SLC10A7: variants seen among roughly 807,000 people sequenced by gnomAD.
SLC10A7 encodes the protein sodium/bile acid cotransporter 7.
SLC10A7 carries 29 observed loss-of-function variants against 43.2 expected under a neutral mutation model. That is an observed-to-expected ratio of 0.67 (90% CI 0.50 to 0.92). SLC10A7 has a LOEUF of 0.92. Among genes scored for constraint, SLC10A7 ranks in the 40% least tolerant of loss-of-function variants. The probability of loss-of-function intolerance (pLI) is 0.00; values close to 1 mark genes in which losing one functional copy is unlikely to be tolerated. For synonymous variants in SLC10A7, 152 were observed against 144.8 expected (o/e 1.05, Z -0.35); for missense variants, 295 against 403.2 (o/e 0.73, Z 2.30).
At chr4:146,442,928 T>C (rs1730722952) in intron 4 of SLC10A7, 107 bp from the exon 5 acceptor site, 6 of 828,198 alleles carry the variant, frequency 7.2e-6, no homozygotes, top group African/African-American at 1.8e-5. Flanking sequence ...CCTTAAAACA[T>C]TGACTCTATA....
rs146539337 is a variant in SLC10A7 at position 146,304,020 on chromosome 4, C to T, written c.555+1906G>A. 6.7e-4 allele frequency among the ~76,000 whole-genome samples: 101 copies of T among 150,784 alleles called. No individual in the cohort carries two copies. The East Asian group carries it at 0.018, about 27-fold the overall frequency. On this transcript the variant is annotated intron_variant, in intron 7 of 11. Coordinates refer to ENST00000335472, the MANE Select transcript of SLC10A7 (RefSeq NM_001029998.6). Reference sequence around the variant, plus strand: ...CTAAGACTTGTTCACTTTAGTTGTGCATTAAATTCTATACTCCAATACTGT... The same window carrying T: ...CTAAGACTTGTTCACTTTAGTTGTGTATTAAATTCTATACTCCAATACTGT...
chr4:146,464,075 T>G (rs1257572528), intron 4 of SLC10A7, among the ~76,000 whole-genome samples: 2 of 151,996 alleles, frequency 1.3e-5, no homozygotes, highest in African/African-American at 4.8e-5. Context: ...TCCTTCCGCC[T>G]TGGCCTCCCA....
chr4:146,509,356 G>A (rs978337257), intron 3 of SLC10A7, among the ~76,000 whole-genome samples: 4 of 152,158 alleles, frequency 2.6e-5, no homozygotes, highest in African/African-American at 4.8e-5. Flanking sequence ...AGCAGTAAAA[G>A]TACGATTATC....
intron 4 of SLC10A7, among the ~76,000 whole-genome samples, chr4:146,488,531 C>T (rs1472921731): frequency 6.6e-6 from 1 of 152,144 alleles, no homozygotes; most frequent in Non-Finnish European, 1.5e-5. Flanking sequence ...CATTCAGCTA[C>T]TAAGATTTCT....
intron 5 of SLC10A7, among the ~76,000 whole-genome samples, chr4:146,426,786 A>C (rs1365974873): frequency 2.6e-5 from 4 of 150,974 alleles, no homozygotes; most frequent in African/African-American, 9.7e-5. Flanking sequence ...GAGGCAGGAG[A>C]ATCGCTTCAA....
intron 5 of SLC10A7, among the ~76,000 whole-genome samples, chr4:146,436,927 T>C (rs1579184113): frequency 1.3e-5 from 2 of 152,118 alleles, no homozygotes; most frequent in African/African-American, 4.8e-5. Flanking sequence ...TAAATTTAAA[T>C]TGAAAATGTG....
chr4:146,369,894 C>A (rs761174854), intron 5 of SLC10A7, among the ~76,000 whole-genome samples: 4 of 152,088 alleles, frequency 2.6e-5, no homozygotes, highest in Non-Finnish European at 5.9e-5. Flanking sequence ...TCAGCAGTAT[C>A]ACATCTGAAA....
intron 5 of SLC10A7, among the ~76,000 whole-genome samples, chr4:146,335,250 G>GAAAAAA (rs772547279): frequency 0.014 from 967 of 70,494 alleles, 32 homozygotes; most frequent in South Asian, 0.071. Flanking sequence ...CACAGATGTT[G>GAAAAAA]TAAAAAAAAA....
chr4:146,312,666 T>G (rs1732061513), intron 6 of SLC10A7, among the ~76,000 whole-genome samples: 3 of 152,120 alleles, frequency 2.0e-5, no homozygotes, highest in Admixed American at 2.0e-4. Context: ...ATAAGTGAGA[T>G]TATGCAGTAA....
chr4:146,445,240 T>G (rs1730941352), intron 4 of SLC10A7, among the ~76,000 whole-genome samples: 1 of 152,166 alleles, frequency 6.6e-6, no homozygotes, highest in Admixed American at 6.5e-5. Flanking sequence ...ATAACACAGC[T>G]TGGTCATCAT....
At chr4:146,494,640 G>A (rs190288370) in intron 4 of SLC10A7, among the ~76,000 whole-genome samples, 20 of 152,278 alleles carry the variant, frequency 1.3e-4, no homozygotes, top group Non-Finnish European at 2.8e-4. Flanking sequence ...GGAATTTGGA[G>A]ATGAGTGGCC....
chr4:146,436,318 A>T (rs1358480807), intron 5 of SLC10A7, among the ~76,000 whole-genome samples: 1 of 152,164 alleles, frequency 6.6e-6, no homozygotes, highest in African/African-American at 2.4e-5. Context: ...ACTTCAGATA[A>T]GAGTTTGTTT....
intron 4 of SLC10A7, among the ~76,000 whole-genome samples, chr4:146,467,337 T>C (rs1733117587): frequency 6.6e-6 from 1 of 152,052 alleles, no homozygotes; most frequent in Non-Finnish European, 1.5e-5. Flanking sequence ...CAACTTTTGC[T>C]GCTATGCTTT....
Position 146,374,647 on chromosome 4 carries a change from CACACACACACACACAT to C in SLC10A7, c.436-48667_436-48652del, listed in dbSNP as rs1247665891. Among the ~76,000 whole-genome samples the C allele has an allele frequency of 3.5e-4, 51 of 144,054 alleles. 1 individual carries two copies. The highest frequency in any genetic ancestry group is 1.6e-4 in the African/African-American group (6 of 37,698). The allele number at this position is 144,054 out of a possible 152,430, so 94.5% of individuals were successfully genotyped here. A position where few individuals can be genotyped will look rare whatever the true frequency, so the allele number is the denominator to read the frequency against. ...ACACACACACACACACACACACACACACACACACACACACATATATATATATTTTCTGGATGTGACC... is the reference window on the plus strand; with the variant it reads ...ACACACACACACACACACACACACACATATATATATTTTCTGGATGTGACC... On this transcript the variant is annotated intron_variant, in intron 5 of 11. Transcript: ENST00000335472.
At chr4:146,366,016 G>T (rs1370802182) in intron 5 of SLC10A7, among the ~76,000 whole-genome samples, 1 of 152,186 alleles carries the variant, frequency 6.6e-6, no homozygotes, top group Non-Finnish European at 1.5e-5. Context: ...GATCTAGGTT[G>T]TGTGCTCCTT....
intron 10 of SLC10A7, among the ~76,000 whole-genome samples, chr4:146,272,461 A>G (rs1442022034): frequency 6.6e-6 from 1 of 152,114 alleles, no homozygotes; most frequent in African/African-American, 2.4e-5. Flanking sequence ...GGGGCTGTAA[A>G]TGGGGACATA....
At chr4:146,307,303 G>A (rs1731649160) in intron 6 of SLC10A7, among the ~76,000 whole-genome samples, 1 of 152,092 alleles carries the variant, frequency 6.6e-6, no homozygotes, top group African/African-American at 2.4e-5. Flanking sequence ...CATAAAAATT[G>A]GTGGTCTCTA....
intron 5 of SLC10A7, among the ~76,000 whole-genome samples, chr4:146,422,875 C>A (rs1333574816): frequency 6.6e-6 from 1 of 151,990 alleles, no homozygotes; most frequent in Non-Finnish European, 1.5e-5. Context: ...TCCCAACCGC[C>A]CATATTTTAG....
rs569819212 is a variant in SLC10A7 at position 146,469,802 on chromosome 4, A to G, written c.397-26981T>C. ...TGCCACCATACCCGGCTATGTTTTA[A>G]ATTTTTTTGTAGAGATGAGGTCTCA... On this transcript the variant is annotated intron_variant, in intron 4 of 11. Coordinates refer to ENST00000335472, the MANE Select transcript of SLC10A7 (RefSeq NM_001029998.6). 3.0e-4 allele frequency among the ~76,000 whole-genome samples: 46 copies of G among 151,962 alleles called. No homozygotes were observed. The South Asian group carries it at 9.6e-3, about 32-fold the overall frequency.
Sources: allele counts gnomAD v4.1 joint callset (sites outside exome capture counted in the v4.1 genomes callset), GRCh38; gene constraint gnomAD v4.1.1; transcripts MANE v1.5; gene names NCBI Gene and HGNC (gene_info 2026-07-23, HGNC 2026-07-21).